The following ADGRG6 variants were observed in gnomAD, a reference collection of about 807,000 sequenced individuals.
ADGRG6 encodes the protein adhesion G protein-coupled receptor G6.
ADGRG6 carries 84 observed loss-of-function variants against 142.4 expected under a neutral mutation model. That is an observed-to-expected ratio of 0.59 (90% CI 0.49 to 0.71). The LOEUF is 0.71. ADGRG6 is among the 30% of genes least tolerant of loss of function. The pLI is 0.00. For synonymous variants in ADGRG6, 521 were observed against 520.5 expected, an observed-to-expected ratio of 1.00 and a Z score of -0.01; for missense variants, 1,367 against 1,466.6, an observed-to-expected ratio of 0.93 and a Z score of 1.11.
chr6:142,302,193 C>A lies in ADGRG6; in HGVS notation c.-137C>A. The stretch of plus-strand genomic sequence containing the variant: ...GGAAAGCCCATGAACTCTCCAGAAA[C>A]GGCGTAAAGGAGGGTCCCGCCGCGG... On this transcript the variant is annotated 5_prime_UTR_variant, in exon 1 of 25. Transcript: ENST00000367609. 1 of 922,652 alleles carries A rather than the reference C, an allele frequency of 1.1e-6. No individual in the cohort carries two copies. Among genetic ancestry groups the A allele is most frequent in the Non-Finnish European group, 1.6e-6 (1 of 615,866 alleles). 57.2% of individuals were successfully genotyped at this position (922,652 alleles called of 1,614,324 possible).
At chr6:142,363,916 C>G (rs1260385431) in intron 2 of ADGRG6, among the ~76,000 whole-genome samples, 1 of 151,716 alleles carries the variant, frequency 6.6e-6, no homozygotes, top group Non-Finnish European at 1.5e-5. Context: ...CTATGAAACT[C>G]TTTTTAAGAA....
At chr6:142,405,958 A>T in intron 15 of ADGRG6, 130 bp downstream of exon 15, 1 of 573,590 alleles carries the variant, frequency 1.7e-6, no homozygotes, top group Non-Finnish European at 2.9e-6. Context: ...TTCAAAACTG[A>T]AAATTTTTAA....
At chr6:142,434,877 C>T (rs1229796104) in intron 22 of ADGRG6, among the ~76,000 whole-genome samples, 1 of 151,986 alleles carries the variant, frequency 6.6e-6, no homozygotes, top group Non-Finnish European at 1.5e-5. Flanking sequence ...AAATTAAGCT[C>T]CTTTTCTATA....
intron 8 of ADGRG6, 36 bp from the exon 9 acceptor site, chr6:142,393,860 A>C (rs2114984245): frequency 8.0e-7 from 1 of 1,246,784 alleles, no homozygotes; most frequent in South Asian, 1.3e-5. Flanking sequence ...GTAGTTGGTG[A>C]GGTGGATTAA....
chr6:142,319,605 T>C (rs1380662219), intron 2 of ADGRG6, among the ~76,000 whole-genome samples: 1 of 152,170 alleles, frequency 6.6e-6, no homozygotes, highest in African/African-American at 2.4e-5. Flanking sequence ...CCACCTGGTT[T>C]GCCTAGTTCA....
chr6:142,365,955 C>A lies in ADGRG6; in HGVS notation c.104-1614C>A, dbSNP rs375703193. On this transcript the variant is annotated intron_variant, in intron 2 of 24. Transcript: ENST00000367609. ...GGGATATAATAAATTTAGTTATTTTCATTAATATTTTTTAAGTATTTTATT... is the reference window on the plus strand; with the variant it reads ...GGGATATAATAAATTTAGTTATTTTAATTAATATTTTTTAAGTATTTTATT... Among the ~76,000 whole-genome samples the A allele has an allele frequency of 3.6e-4, 55 of 152,254 alleles. No homozygotes were observed. In the South Asian group the frequency reaches 5.0e-3, roughly 14 times the overall value.
At chr6:142,404,884 G>A (rs1775719081) in intron 14 of ADGRG6, among the ~76,000 whole-genome samples, 1 of 152,132 alleles carries the variant, frequency 6.6e-6, no homozygotes, top group East Asian at 1.9e-4. Flanking sequence ...CTGGATTAAT[G>A]GAGAACCTTT....
intron 2 of ADGRG6, among the ~76,000 whole-genome samples, chr6:142,324,283 T>C (rs1209645838): frequency 1.3e-5 from 2 of 152,092 alleles, no homozygotes; most frequent in Non-Finnish European, 2.9e-5. Context: ...CACTTAAAGC[T>C]CTTAGGAGAG....
At chr6:142,391,902 G>A (rs1774916761) in intron 7 of ADGRG6, among the ~76,000 whole-genome samples, 2 of 151,716 alleles carry the variant, frequency 1.3e-5, no homozygotes, top group South Asian at 2.1e-4. Flanking sequence ...TCTAAATTTA[G>A]CATTCACTAG....
chr6:142,431,423 T>C (rs1427540108), intron 22 of ADGRG6, among the ~76,000 whole-genome samples: 1 of 152,174 alleles, frequency 6.6e-6, no homozygotes, highest in Non-Finnish European at 1.5e-5. Flanking sequence ...GCACTAGCTT[T>C]TCAGGATGAT....
intron 18 of ADGRG6, among the ~76,000 whole-genome samples, chr6:142,412,856 TTAAA>T (rs1158814523): frequency 1.2e-4 from 19 of 152,170 alleles, no homozygotes; most frequent in African/African-American, 3.9e-4. Context: ...AAGTCTGGTA[TTAAA>T]TAAATAGATA....
rs753032490 is a variant in ADGRG6, at chr6:142,438,303, C to T, written c.3513C>T (p.Thr1171=). ...CAAGCTCCATTGGTTCCAACTCAAC[C>T]TATCTTACATCCAAATCTAAATCCA... ...LSSSSIGSNS[T]YLTSKSKSSS... is the part of the protein sequence containing the mutation. Residue 1171 remains threonine (T), a synonymous_variant, in exon 24 of 25, where the codon ACC becomes ACT. Transcript: ENST00000367609. The T allele has an allele frequency of 8.1e-6, 13 of 1,607,836 alleles. No individual in the cohort carries two copies. The highest frequency in any genetic ancestry group is 1.1e-5 in the Non-Finnish European group (13 of 1,175,964).
In ADGRG6 at chr6:142,339,139, A is replaced by G. The variant is rs192777534; in HGVS notation, c.104-28430A>G. On this transcript the variant is annotated intron_variant, in intron 2 of 24. Transcript: ENST00000367609. ...TAAATATTTATATACATTAATAGTC[A>G]TCTTTATGTTTTTGAGTCAGGGATC... 8.5e-5 allele frequency among the ~76,000 whole-genome samples: 13 copies of G among 152,342 alleles called. No homozygotes were observed. In the East Asian group the frequency reaches 2.5e-3, roughly 29 times the overall value.
At chr6:142,435,159 A>G (rs1166199042) in intron 22 of ADGRG6, among the ~76,000 whole-genome samples, 1 of 152,180 alleles carries the variant, frequency 6.6e-6, no homozygotes, top group African/African-American at 2.4e-5. Context: ...CATTTATGCC[A>G]TTCCATACTA....
intron 10 of ADGRG6, among the ~76,000 whole-genome samples, chr6:142,398,329 G>A (rs936698058): frequency 6.6e-6 from 1 of 152,188 alleles, no homozygotes; most frequent in South Asian, 2.1e-4. Context: ...CGGGGCTGAG[G>A]CAGGAGGATT....
At chr6:142,309,130 T>A (rs1426606875) in intron 1 of ADGRG6, among the ~76,000 whole-genome samples, 2 of 151,876 alleles carry the variant, frequency 1.3e-5, no homozygotes, top group Non-Finnish European at 2.9e-5. Flanking sequence ...AAACATTTCC[T>A]TACAATCTGA....
intron 17 of ADGRG6, 141 bp from the exon 18 acceptor site, chr6:142,411,164 A>C (rs534648850): frequency 7.5e-5 from 41 of 546,238 alleles, no homozygotes; most frequent in African/African-American, 6.0e-4. Flanking sequence ...AGCATTGAAA[A>C]CTTTCATAAT....
chr6:142,341,912 G>A (rs1224252318), intron 2 of ADGRG6, among the ~76,000 whole-genome samples: 1 of 151,738 alleles, frequency 6.6e-6, no homozygotes, highest in Middle Eastern at 3.2e-3. Context: ...TGAAACTTGA[G>A]TAATTGAAAT....
chr6:142,340,652 G>A (rs1267593560), intron 2 of ADGRG6, among the ~76,000 whole-genome samples: 3 of 152,052 alleles, frequency 2.0e-5, no homozygotes, highest in African/African-American at 7.2e-5. Flanking sequence ...TGCCTTTTCT[G>A]AAGTCCTTTG....
Sources: allele counts gnomAD v4.1 joint callset (sites outside exome capture counted in the v4.1 genomes callset), GRCh38; gene constraint gnomAD v4.1.1; transcripts MANE v1.5; gene names NCBI Gene and HGNC (gene_info 2026-07-23, HGNC 2026-07-21).